The following MYMX variants were observed in gnomAD, a reference collection of about 807,000 sequenced individuals.
MYMX encodes protein myomixer.
the MYMX span, among the ~76,000 whole-genome samples, chr6:44,193,339 G>A: frequency 6.6e-6 from 1 of 151,974 alleles, no homozygotes; most frequent in Admixed American, 6.6e-5. Context: ...AAAGTGCTGG[G>A]ATTACAGGTG....
the MYMX span, among the ~76,000 whole-genome samples, chr6:44,196,178 C>T: frequency 0.086 from 13,150 of 152,150 alleles, 775 homozygotes; most frequent in Middle Eastern, 0.19. Context: ...CCTGCCTCGG[C>T]CTCTCAAAGT....
the MYMX span, among the ~76,000 whole-genome samples, chr6:44,198,292 A>T: frequency 1.3e-5 from 2 of 148,570 alleles, no homozygotes; most frequent in Non-Finnish European, 3.0e-5. Context: ...CCTCCCGAGT[A>T]GCTGGGACTA....
the MYMX span, among the ~76,000 whole-genome samples, chr6:44,210,476 G>C: frequency 6.6e-6 from 1 of 152,008 alleles, no homozygotes; most frequent in East Asian, 1.9e-4. Context: ...GTAGAGACAG[G>C]GTCTCCCTAT....
At chr6:44,208,181 A>G in the MYMX span, among the ~76,000 whole-genome samples, 1 of 151,146 alleles carries the variant, frequency 6.6e-6, no homozygotes, top group Non-Finnish European at 1.5e-5. Context: ...CAGGAGGTCA[A>G]GGGTGCAGTG....
the MYMX span, among the ~76,000 whole-genome samples, chr6:44,211,100 C>A: frequency 6.6e-6 from 1 of 152,106 alleles, no homozygotes; most frequent in African/African-American, 2.4e-5. Context: ...AAGACTCTGT[C>A]TAAATAAATA....
chr6:44,196,310 GAAAT>G, the MYMX span, among the ~76,000 whole-genome samples: 3,372 of 152,218 alleles, frequency 0.022, 119 homozygotes, highest in African/African-American at 0.077. Context: ...GGGTTCCAGG[GAAAT>G]AAATAATAAA....
At chr6:44,198,412 G>A in the MYMX span, among the ~76,000 whole-genome samples, 6 of 151,888 alleles carry the variant, frequency 4.0e-5, no homozygotes, top group African/African-American at 1.2e-4. Context: ...TGATCTACCC[G>A]CCTCGGCCTC....
the MYMX span, among the ~76,000 whole-genome samples, chr6:44,210,687 A>G: frequency 9.8e-5 from 15 of 152,354 alleles, no homozygotes; most frequent in Admixed American, 9.8e-4. Flanking sequence ...AGTGATGGCT[A>G]TTCATTGTAT....
chr6:44,216,211 ACT>A (rs1277944902), upstream of MYMX, among the ~76,000 whole-genome samples: 1 of 152,126 alleles, frequency 6.6e-6, no homozygotes, highest in Admixed American at 6.5e-5. Context: ...CAGTCTGCAG[ACT>A]CACTGCTTCT....
chr6:44,206,008 C>G, the MYMX span, among the ~76,000 whole-genome samples: 1 of 93,684 alleles, frequency 1.1e-5, no homozygotes, highest in East Asian at 3.1e-4. Context: ...CAAAAAAAAA[C>G]CTCATTTTTG....
At chr6:44,198,386 C>G in the MYMX span, among the ~76,000 whole-genome samples, 1 of 151,734 alleles carries the variant, frequency 6.6e-6, no homozygotes, top group Non-Finnish European at 1.5e-5. Context: ...AGGATGGTCT[C>G]GATCTCCTGA....
chr6:44,211,039 C>T, the MYMX span, among the ~76,000 whole-genome samples: 481 of 152,242 alleles, frequency 3.2e-3, 2 homozygotes, highest in Non-Finnish European at 4.3e-3. Flanking sequence ...CACTTGGGCC[C>T]AGGAGTTTGA....
the MYMX span, among the ~76,000 whole-genome samples, chr6:44,196,479 G>A: frequency 5.9e-5 from 9 of 151,892 alleles, no homozygotes; most frequent in Admixed American, 2.0e-4. Flanking sequence ...AGGAGTTTGA[G>A]ACCAGCCTGG....
At chr6:44,215,243 A>C (rs1775797300), upstream of MYMX, among the ~76,000 whole-genome samples, 1 of 152,234 alleles carries the variant, frequency 6.6e-6, no homozygotes, top group Non-Finnish European at 1.5e-5. Flanking sequence ...GGCAGGAATT[A>C]TACTTATTTT....
upstream of MYMX, among the ~76,000 whole-genome samples, chr6:44,213,562 C>G (rs928761749): frequency 1.3e-5 from 2 of 151,298 alleles, no homozygotes. Context: ...GCTGGGATTA[C>G]AGGCACGTGC....
At chr6:44,203,113 C>G in the MYMX span, among the ~76,000 whole-genome samples, 1 of 152,148 alleles carries the variant, frequency 6.6e-6, no homozygotes, top group Non-Finnish European at 1.5e-5. Context: ...GTGGAGTACG[C>G]ACTTTGGTGG....
chr6:44,214,306 G>T (rs977449366), upstream of MYMX, among the ~76,000 whole-genome samples: 2 of 152,236 alleles, frequency 1.3e-5, no homozygotes, highest in Non-Finnish European at 2.9e-5. Context: ...AGAGCCACCA[G>T]GATTGGCTAA....
In MYMX at chr6:44,216,938, A is replaced by G. The variant is rs1371003662; in HGVS notation, c.-53A>G. ...ATCTCCACTCCAGGCAAATCCAGCC[A>G]GAGACTGATTCTGAGCAGCAGTTCT... On this transcript the variant is annotated 5_prime_UTR_variant, in exon 1 of 2. Coordinates refer to ENST00000573382, the MANE Select transcript of MYMX (RefSeq NM_001315494.2). 1 of 153,004 alleles carries G rather than the reference A, an allele frequency of 6.5e-6. No homozygotes were observed. Among genetic ancestry groups the G allele is most frequent in the East Asian group, 1.9e-4 (1 of 5,226 alleles). The allele number at this position is 153,004 out of a possible 1,614,324, so 9.5% of individuals were successfully genotyped here.
Position 44,218,090 on chromosome 6 carries a change from T to G in MYMX, c.*364T>G. 1 of 186,014 alleles carries G rather than the reference T, an allele frequency of 5.4e-6. No individual in the cohort carries two copies. The highest frequency in any genetic ancestry group is 2.1e-3 in the Middle Eastern group (1 of 472). The allele number at this position is 186,014 out of a possible 1,614,324, so 11.5% of individuals were successfully genotyped here. A position where few individuals can be genotyped will look rare whatever the true frequency, so the allele number is the denominator to read the frequency against. ...CTTAACTGAGGGACAAGTGACAATT[T>G]AGCAGAGAGGCAAGATTTGAATCCA... is the stretch of plus-strand genomic sequence containing the variant. On this transcript the variant is annotated 3_prime_UTR_variant, in exon 2 of 2. Transcript: ENST00000573382.
Sources: gnomAD v4.1 joint callset for allele counts (sites outside exome capture counted in the v4.1 genomes callset) on GRCh38, gnomAD v4.1.1 for gene constraint, MANE v1.5 for transcripts, NCBI Gene and HGNC (gene_info 2026-07-23, HGNC 2026-07-21) for gene names.